TNS3: variants seen among roughly 807,000 people sequenced by gnomAD.
The protein encoded by TNS3 is tensin 3, also known as tensin-3.
A neutral mutation model predicts 140.9 loss-of-function variants in TNS3; 45 were observed. That is an observed-to-expected ratio of 0.32 (90% CI 0.25 to 0.41). TNS3 has a LOEUF of 0.41. Among genes scored for constraint, TNS3 ranks in the 10% least tolerant of loss-of-function variants. The pLI, the probability that TNS3 is intolerant of heterozygous loss-of-function variation, is 1.00. For missense variants in TNS3, 1,716 were observed against 1,906.7 expected, an observed-to-expected ratio of 0.90 and a Z score of 1.86; for synonymous variants, 815 against 788.4, an observed-to-expected ratio of 1.03 and a Z score of -0.56.
chr7:47,324,728 G>A (rs1787933240), intron 20 of TNS3, among the ~76,000 whole-genome samples: 1 of 152,062 alleles, frequency 6.6e-6, no homozygotes, highest in South Asian at 2.1e-4. Context: ...CTCTGGCTTG[G>A]GCAACAAAGT....
At chr7:47,506,691 A>G (rs1205720136) in intron 3 of TNS3, among the ~76,000 whole-genome samples, 2 of 152,174 alleles carry the variant, frequency 1.3e-5, no homozygotes, top group African/African-American at 4.8e-5. Context: ...ATCTGAAATC[A>G]AATTCTTAAG....
intron 9 of TNS3, among the ~76,000 whole-genome samples, chr7:47,425,496 A>T (rs1320059795): frequency 6.6e-6 from 1 of 152,152 alleles, no homozygotes; most frequent in East Asian, 1.9e-4. Context: ...GTGTGATTTG[A>T]CTTTCACAGA....
chr7:47,390,390 C>T (rs1359439056), intron 16 of TNS3, among the ~76,000 whole-genome samples: 1 of 152,228 alleles, frequency 6.6e-6, no homozygotes, highest in Non-Finnish European at 1.5e-5. Context: ...AACATGTCCT[C>T]GTGGTAGCCC....
chr7:47,572,288 G>A (rs576895700), intron 1 of TNS3, among the ~76,000 whole-genome samples: 3 of 152,202 alleles, frequency 2.0e-5, no homozygotes, highest in South Asian at 2.1e-4. Context: ...GACCGGCAAC[G>A]GCAACGCCTA....
At chr7:47,380,785 C>T (rs1485824192) in intron 16 of TNS3, among the ~76,000 whole-genome samples, 1 of 152,102 alleles carries the variant, frequency 6.6e-6, no homozygotes, top group Non-Finnish European at 1.5e-5. Flanking sequence ...CACACACACA[C>T]ACAAATGCTC....
At chr7:47,447,248 A>ATGCT (rs139009064) in intron 4 of TNS3, among the ~76,000 whole-genome samples, 3 of 149,076 alleles carry the variant, frequency 2.0e-5, no homozygotes, top group African/African-American at 7.4e-5. Context: ...GGTTCCACAT[A>ATGCT]TGTTTGTTTG....
At chr7:47,334,263 G>T (rs1788498645) in intron 20 of TNS3, among the ~76,000 whole-genome samples, 1 of 152,182 alleles carries the variant, frequency 6.6e-6, no homozygotes, top group African/African-American at 2.4e-5. Context: ...ATGCTTGGAA[G>T]CCAGGCCCCT....
chr7:47,429,849 TTC>T (rs561024479), intron 8 of TNS3, among the ~76,000 whole-genome samples: 61 of 152,346 alleles, frequency 4.0e-4, no homozygotes, highest in South Asian at 1.2e-3. Flanking sequence ...AGGAGCATCC[TTC>T]TCTCTGTCAG....
intron 16 of TNS3, among the ~76,000 whole-genome samples, chr7:47,390,651 A>G (rs1327229430): frequency 6.6e-6 from 1 of 152,172 alleles, no homozygotes; most frequent in Admixed American, 6.5e-5. Flanking sequence ...CTGCACTCAA[A>G]AAGTCCTAGG....
chr7:47,326,144 A>G (rs1788015028), intron 20 of TNS3, among the ~76,000 whole-genome samples: 1 of 152,220 alleles, frequency 6.6e-6, no homozygotes, highest in African/African-American at 2.4e-5. Context: ...ATATAAAGAA[A>G]GTAAAATGGA....
At chr7:47,361,801 A>C (rs918337358) in intron 17 of TNS3, among the ~76,000 whole-genome samples, 2 of 152,192 alleles carry the variant, frequency 1.3e-5, no homozygotes, top group Non-Finnish European at 2.9e-5. Context: ...TGGGAATGCC[A>C]CAGCACTATC....
At position 47,306,635 on chromosome 7, in the gene TNS3, C is replaced by T. The variant is rs928662128; in HGVS notation, c.2651-1632G>A. 5.9e-5 allele frequency among the ~76,000 whole-genome samples: 9 copies of T among 151,842 alleles called. 1 individual carries two copies. Among genetic ancestry groups the T allele is most frequent in the Admixed American group, 2.6e-4 (4 of 15,262 alleles). On this transcript the variant is annotated intron_variant, in intron 20 of 30. Transcript: ENST00000311160. ...TGTCGCCCAGACTGGAGTGCAGTGG[C>T]GTGATCTCGACTCACTGCAAGCTCC...
At chr7:47,440,437 G>C (rs1795410707) in intron 5 of TNS3, among the ~76,000 whole-genome samples, 1 of 152,216 alleles carries the variant, frequency 6.6e-6, no homozygotes, top group African/African-American at 2.4e-5. Flanking sequence ...ACCCAACCAG[G>C]TGCCCAGGTG....
intron 1 of TNS3, among the ~76,000 whole-genome samples, chr7:47,576,992 C>T (rs73099540): frequency 0.024 from 3,682 of 152,322 alleles, 63 homozygotes; most frequent in Non-Finnish European, 0.038. Flanking sequence ...AAAGCATCAA[C>T]GAATTGGTCT....
intron 16 of TNS3, among the ~76,000 whole-genome samples, chr7:47,377,639 C>T (rs1791477840): frequency 6.6e-6 from 1 of 150,480 alleles, no homozygotes; most frequent in Non-Finnish European, 1.5e-5. Flanking sequence ...ATGAGACTCA[C>T]AGCAGACTAG....
intron 2 of TNS3, among the ~76,000 whole-genome samples, chr7:47,522,322 C>T (rs757698698): frequency 2.6e-5 from 4 of 152,182 alleles, no homozygotes; most frequent in Non-Finnish European, 5.9e-5. Context: ...ACCTCTGAGC[C>T]GCAAGCCTCT....
At chr7:47,377,790 C>G (rs550856226) in intron 16 of TNS3, among the ~76,000 whole-genome samples, 35 of 149,606 alleles carry the variant, frequency 2.3e-4, no homozygotes, top group African/African-American at 8.6e-4. Flanking sequence ...CCTTCTCCCC[C>G]ATGCCCTCCT....
intron 4 of TNS3, among the ~76,000 whole-genome samples, chr7:47,446,865 G>GTTT (rs58375628): frequency 6.8e-6 from 1 of 147,220 alleles, no homozygotes; most frequent in East Asian, 2.0e-4. Context: ...GCTAATTTTT[G>GTTT]TTTTTTTTTT....
intron 1 of TNS3, among the ~76,000 whole-genome samples, chr7:47,530,838 A>AAAAAAAAAAAAAAAAAAAAAAT: frequency 1.8e-5 from 1 of 54,566 alleles, no homozygotes; most frequent in African/African-American, 7.9e-5. Flanking sequence ...AAAAAAAAAA[A>AAAAAAAAAAAAAAAAAAAAAAT]ATATATATAT....
Sources: allele counts gnomAD v4.1 joint callset (sites outside exome capture counted in the v4.1 genomes callset), GRCh38; gene constraint gnomAD v4.1.1; transcripts MANE v1.5; gene names NCBI Gene and HGNC (gene_info 2026-07-23, HGNC 2026-07-21).